The following BNC2 variants were observed in gnomAD, a reference collection of about 807,000 sequenced individuals.
BNC2 encodes the protein basonuclin zinc finger protein 2, also known as zinc finger protein basonuclin-2.
BNC2 carries 20 observed loss-of-function variants against 76.3 expected under a neutral mutation model. The ratio of observed to expected loss-of-function variants is 0.26; its 90% confidence interval spans 0.18 to 0.38. The LOEUF is 0.38. Ranked by LOEUF, BNC2 falls within the 10% of genes least tolerant of loss-of-function variation. The pLI is 1.00. For synonymous variants in BNC2, 582 were observed against 514.8 expected, an observed-to-expected ratio of 1.13 and a Z score of -1.77; for missense variants, 1,382 against 1,399.8, an observed-to-expected ratio of 0.99 and a Z score of 0.20.
intron 3 of BNC2, among the ~76,000 whole-genome samples, chr9:16,658,512 A>G (rs1204961683): frequency 3.3e-5 from 5 of 152,304 alleles, no homozygotes; most frequent in South Asian, 2.1e-4. Flanking sequence ...ATTGTTCAGC[A>G]TATCACCTCC....
At chr9:16,775,331 A>C (rs1312149937) in intron 1 of BNC2, among the ~76,000 whole-genome samples, 1 of 152,070 alleles carries the variant, frequency 6.6e-6, no homozygotes, top group African/African-American at 2.4e-5. Context: ...CAATATACAG[A>C]AGTAGCTGCT....
intron 3 of BNC2, among the ~76,000 whole-genome samples, chr9:16,594,740 A>T (rs1820019561): frequency 6.6e-6 from 1 of 152,066 alleles, no homozygotes; most frequent in Admixed American, 6.6e-5. Flanking sequence ...AGATTTTTTC[A>T]AACAGCAGAA....
intron 3 of BNC2, among the ~76,000 whole-genome samples, chr9:16,609,861 T>C (rs1820495519): frequency 6.6e-6 from 1 of 152,086 alleles, no homozygotes; most frequent in African/African-American, 2.4e-5. Flanking sequence ...TACCCCCTCC[T>C]CTCAGGACTC....
chr9:16,575,941 T>A (rs1819472494), intron 4 of BNC2, among the ~76,000 whole-genome samples: 1 of 152,212 alleles, frequency 6.6e-6, no homozygotes, highest in Admixed American at 6.5e-5. Context: ...ACAAATTCTT[T>A]AAGCAGATAC....
At chr9:16,856,446 T>C (rs946806665) in intron 1 of BNC2, among the ~76,000 whole-genome samples, 1 of 152,204 alleles carries the variant, frequency 6.6e-6, no homozygotes, top group South Asian at 2.1e-4. Context: ...TATTTCTTAT[T>C]TATTTTTTTA....
rs577003275 is a variant in BNC2 at position 16,575,527 on chromosome 9, G to A, written c.433+7456C>T. 74 of 765,850 alleles carry A rather than the reference G, an allele frequency of 9.7e-5. No homozygotes were observed. The South Asian group carries it at 4.0e-3, about 41-fold the overall frequency. The allele number at this position is 765,850 out of a possible 1,614,324, so 47.4% of individuals were successfully genotyped here. A position where few individuals can be genotyped will look rare whatever the true frequency, so the allele number is the denominator to read the frequency against. ...AGGAGTGCAAAGCACCATCCAAAAA[G>A]TGTGCAGGCTGAGAAACAAATCAAA... On this transcript the variant is annotated intron_variant, in intron 4 of 6. Transcript: ENST00000380672.
intron 5 of BNC2, among the ~76,000 whole-genome samples, chr9:16,509,904 T>C (rs1822713789): frequency 6.6e-6 from 1 of 152,232 alleles, no homozygotes; most frequent in Non-Finnish European, 1.5e-5. Flanking sequence ...TGGTTCTCTG[T>C]CCAGATTTTG....
intron 5 of BNC2, among the ~76,000 whole-genome samples, chr9:16,504,201 A>G (rs1822578825): frequency 6.6e-6 from 1 of 151,434 alleles, no homozygotes. Flanking sequence ...TATAAAGATA[A>G]GTAATCATGT....
At position 16,506,561 on chromosome 9, in the gene BNC2, G is replaced by A. The variant is rs553905718; in HGVS notation, c.669+45969C>T. Among the ~76,000 whole-genome samples, 3 of 102,096 alleles carry A rather than the reference G, an allele frequency of 2.9e-5. No homozygotes were observed. The East Asian group carries it at 9.3e-4, about 32-fold the overall frequency. 67.0% of individuals were successfully genotyped at this position (102,096 alleles called of 152,430 possible). A position where few individuals can be genotyped will look rare whatever the true frequency, so the allele number is the denominator to read the frequency against. The stretch of plus-strand genomic sequence containing the variant: ...TTTTTTTTTGACGGAATCTCACCTT[G>A]TCGCCCAGGCTTGGAATGCAATGGT... On this transcript the variant is annotated intron_variant, in intron 5 of 6. Coordinates refer to ENST00000380672, the MANE Select transcript of BNC2 (RefSeq NM_017637.6).
At chr9:16,740,827 T>C (rs1483481289) in intron 1 of BNC2, among the ~76,000 whole-genome samples, 2 of 151,716 alleles carry the variant, frequency 1.3e-5, no homozygotes, top group Non-Finnish European at 2.9e-5. Flanking sequence ...AGAGCACAAA[T>C]GAAAAGGGTG....
intron 3 of BNC2, among the ~76,000 whole-genome samples, chr9:16,698,672 C>A (rs567166573): frequency 1.1e-3 from 159 of 151,388 alleles, no homozygotes; most frequent in Non-Finnish European, 1.0e-3. Context: ...CCAGCCTGGG[C>A]AACAAGAGCA....
At chr9:16,508,830 T>C (rs1822690141) in intron 5 of BNC2, among the ~76,000 whole-genome samples, 1 of 151,550 alleles carries the variant, frequency 6.6e-6, no homozygotes, top group Non-Finnish European at 1.5e-5. Context: ...TCTTTTTTTT[T>C]TTTTCTTTTT....
intron 5 of BNC2, among the ~76,000 whole-genome samples, chr9:16,472,243 T>C (rs747747333): frequency 5.9e-5 from 9 of 152,218 alleles, no homozygotes; most frequent in Non-Finnish European, 1.0e-4. Context: ...ACCTCACTGC[T>C]TTCTCATCTT....
intron 6 of BNC2, among the ~76,000 whole-genome samples, chr9:16,434,546 C>T (rs1285988466): frequency 5.3e-5 from 8 of 152,142 alleles, no homozygotes; most frequent in Non-Finnish European, 1.2e-4. Flanking sequence ...CTGTGTGACC[C>T]GAGTTGGGCT....
intron 3 of BNC2, among the ~76,000 whole-genome samples, chr9:16,716,645 C>T (rs761245382): frequency 1.3e-5 from 2 of 152,166 alleles, no homozygotes; most frequent in Admixed American, 6.5e-5. Context: ...CTATCTCTGA[C>T]GTATTACTAC....
At chr9:16,798,057 C>G (rs984303056) in intron 1 of BNC2, among the ~76,000 whole-genome samples, 7 of 152,164 alleles carry the variant, frequency 4.6e-5, no homozygotes, top group Non-Finnish European at 1.5e-5. Flanking sequence ...TCTTTGGTCT[C>G]TAGGACCCAA....
intron 4 of BNC2, among the ~76,000 whole-genome samples, chr9:16,577,599 A>C (rs958996440): frequency 2.0e-5 from 3 of 152,226 alleles, no homozygotes; most frequent in Non-Finnish European, 4.4e-5. Context: ...TTTACATTAA[A>C]AAAAAATCAG....
rs534774689 is a variant in BNC2, at chr9:16,569,565, G to A, written c.433+13418C>T. 2.0e-5 allele frequency among the ~76,000 whole-genome samples: 3 copies of A among 152,256 alleles called. No homozygotes were observed. The East Asian group carries it at 5.8e-4, about 29-fold the overall frequency. On this transcript the variant is annotated intron_variant, in intron 4 of 6. Transcript: ENST00000380672. ...CAGACTTTGAAAAGCATTAAAGTCT[G>A]ACTGAGGCACACATAAAAGTATTTC...
At chr9:16,620,838 C>CTT (rs1215918398) in intron 3 of BNC2, among the ~76,000 whole-genome samples, 2 of 152,168 alleles carry the variant, frequency 1.3e-5, no homozygotes, top group African/African-American at 2.4e-5. Flanking sequence ...GAACACTGAT[C>CTT]TAAATAGCAC....
Sources: gnomAD v4.1 joint callset for allele counts (sites outside exome capture counted in the v4.1 genomes callset) on GRCh38, gnomAD v4.1.1 for gene constraint, MANE v1.5 for transcripts, NCBI Gene and HGNC (gene_info 2026-07-23, HGNC 2026-07-21) for gene names.